YARS1: variants seen among roughly 807,000 people sequenced by gnomAD.
YARS1 encodes the protein tyrosyl-tRNA synthetase 1.
YARS1 carries 36 observed loss-of-function variants against 62.2 expected under a neutral mutation model. That is an observed-to-expected ratio of 0.58 (90% confidence interval 0.44 to 0.76). The LOEUF (loss-of-function observed/expected upper bound fraction) is 0.76. YARS1 is among the 30% of genes least tolerant of loss of function. The pLI is 0.00. For synonymous variants in YARS1, 234 were observed against 244.9 expected (o/e 0.96, Z 0.42); for missense variants, 524 against 639.8 (o/e 0.82, Z 1.95).
intron 5 of YARS1, among the ~76,000 whole-genome samples, chr1:32,794,747 C>T (rs1653518099): frequency 6.6e-6 from 1 of 151,762 alleles, no homozygotes; most frequent in Non-Finnish European, 1.5e-5. Context: ...GTGACTCATG[C>T]CTGTAATCCC....
At chr1:32,781,183 C>T (rs377738585) in intron 9 of YARS1, 38 bp from the exon 10 acceptor site, 1 of 1,558,516 alleles carries the variant, frequency 6.4e-7, no homozygotes, top group Non-Finnish European at 8.9e-7. Flanking sequence ...AGAATTCTTC[C>T]CTGTGGCAGG....
rs1653518883 is a variant in YARS1 at position 32,794,770 on chromosome 1, G to C, written c.591+2993C>G. On this transcript the variant is annotated intron_variant, in intron 5 of 12. Transcript: ENST00000373477. ...TGCCTGTAATCCCAGCACTTTGGGA[G>C]GCCGAGGCAGGTGGGTTACGAGGTC... 2.0e-5 allele frequency among the ~76,000 whole-genome samples: 3 copies of C among 151,958 alleles called. No homozygotes were observed. The South Asian group carries it at 6.3e-4, about 32-fold the overall frequency.
rs145728305 is a variant in YARS1, at chr1:32,813,323, CTT to C, written c.58-2268_58-2267del. On this transcript the variant is annotated intron_variant, in intron 1 of 12. Transcript: ENST00000373477. ...AATTAATTGAGACTTGTCTCAGATACTTTTTGTTTTTTCAAGATGGAGTCTCA... is the reference window on the plus strand; with the variant it reads ...AATTAATTGAGACTTGTCTCAGATACTTTGTTTTTTCAAGATGGAGTCTCA... 5.2e-3 allele frequency among the ~76,000 whole-genome samples: 798 copies of C among 152,224 alleles called. 9 individuals are homozygous for C. Among genetic ancestry groups the C allele is most frequent in the African/African-American group, 0.018 (739 of 41,530 alleles).
intron 12 of YARS1, among the ~76,000 whole-genome samples, chr1:32,778,953 T>A (rs1652966326): frequency 6.6e-6 from 1 of 151,692 alleles, no homozygotes; most frequent in African/African-American, 2.4e-5. Flanking sequence ...TTGGCCAGGC[T>A]GGTCTTGAAC....
At chr1:32,791,048 C>T in intron 6 of YARS1, 114 bp downstream of exon 6, 1 of 1,020,862 alleles carries the variant, frequency 9.8e-7, no homozygotes, top group Admixed American at 1.7e-5. Context: ...TGTAAGGCTC[C>T]TTCTAACTCA....
intron 1 of YARS1, among the ~76,000 whole-genome samples, chr1:32,813,767 A>G (rs148421719): frequency 1.3e-5 from 2 of 152,284 alleles, no homozygotes; most frequent in African/African-American, 4.8e-5. Flanking sequence ...ACTAAATTCC[A>G]TATCACATCA....
At chr1:32,794,802 T>TGGA (rs1194641461) in intron 5 of YARS1, among the ~76,000 whole-genome samples, 1 of 150,922 alleles carries the variant, frequency 6.6e-6, no homozygotes, top group African/African-American at 2.4e-5. Context: ...GGTCAGGAGA[T>TGGA]GGAGACCAAC....
rs1006925839 is a variant in YARS1, at chr1:32,775,314, C to T, written c.*667G>A. On this transcript the variant is annotated 3_prime_UTR_variant, in exon 13 of 13. Coordinates refer to ENST00000373477, the MANE Select transcript of YARS1 (RefSeq NM_003680.4). ...TGAGATGCCTTATGGAGAAGTACCCCACCCTCTATGAAGACAGAATCACTC... is the reference window on the plus strand; with the variant it reads ...TGAGATGCCTTATGGAGAAGTACCCTACCCTCTATGAAGACAGAATCACTC... 2 of 153,042 alleles carry T rather than the reference C, an allele frequency of 1.3e-5. No homozygotes were observed. Among genetic ancestry groups the T allele is most frequent in the African/African-American group, 2.4e-5 (1 of 41,442 alleles). 9.5% of individuals were successfully genotyped at this position (153,042 alleles called of 1,614,324 possible).
At chr1:32,800,501 T>C (rs1638252803) in intron 4 of YARS1, among the ~76,000 whole-genome samples, 1 of 152,022 alleles carries the variant, frequency 6.6e-6, no homozygotes, top group Non-Finnish European at 1.5e-5. Context: ...AAAAAAATTA[T>C]ACAGATATAC....
At chr1:32,804,969 G>A (rs1322869298) in intron 4 of YARS1, among the ~76,000 whole-genome samples, 4 of 152,188 alleles carry the variant, frequency 2.6e-5, no homozygotes, top group South Asian at 2.1e-4. Flanking sequence ...GCGAGACTCC[G>A]TCTGCAATCC....
intron 4 of YARS1, among the ~76,000 whole-genome samples, chr1:32,803,427 C>T (rs1164429340): frequency 6.6e-6 from 1 of 151,952 alleles, no homozygotes; most frequent in Non-Finnish European, 1.5e-5. Context: ...CCACCATGCC[C>T]GGCCTATTTA....
At chr1:32,810,551 G>C in intron 3 of YARS1, 40 bp downstream of exon 3, 1 of 1,611,528 alleles carries the variant, frequency 6.2e-7, no homozygotes, top group Non-Finnish European at 8.5e-7. Flanking sequence ...TTAGCTAGAA[G>C]CACCAGAGCC....
Position 32,814,974 on chromosome 1 carries a change from G to A in YARS1, c.57+2214C>T, listed in dbSNP as rs376737505. 1.1e-4 allele frequency among the ~76,000 whole-genome samples: 17 copies of A among 152,192 alleles called. No homozygotes were observed. In the East Asian group the frequency reaches 2.7e-3, roughly 24 times the overall value. On this transcript the variant is annotated intron_variant, in intron 1 of 12. Coordinates refer to ENST00000373477, the MANE Select transcript of YARS1 (RefSeq NM_003680.4). ...TCCAAGTCTTTTGGCAGCTGATCCC[G>A]CATGCTCAAGAGCACCCCTGACAAC...
chr1:32,805,991 T>C (rs1046895601), intron 4 of YARS1, among the ~76,000 whole-genome samples: 1 of 152,100 alleles, frequency 6.6e-6, no homozygotes, highest in Non-Finnish European at 1.5e-5. Context: ...AAGTGAGCTA[T>C]GTGTGACTCT....
chr1:32,817,014 G>A lies in YARS1; in HGVS notation c.57+174C>T, dbSNP rs77572572. 7.5e-3 allele frequency: 5,995 copies of A among 796,612 alleles called. 251 individuals are homozygous for A. In the African/African-American group the frequency reaches 0.09, roughly 12 times the overall value. 49.3% of individuals were successfully genotyped at this position (796,612 alleles called of 1,614,324 possible). Reference sequence around the variant, plus strand: ...CCACTGTGATTTCTGGGGAACCCAGGGAAGGGCTGCTTGATTGACTGACCG... The same window carrying A: ...CCACTGTGATTTCTGGGGAACCCAGAGAAGGGCTGCTTGATTGACTGACCG... On this transcript the variant is annotated intron_variant, in intron 1 of 12. Transcript: ENST00000373477.
At chr1:32,786,512 A>G in intron 7 of YARS1, 65 bp from the exon 8 acceptor site, 1 of 975,996 alleles carries the variant, frequency 1.0e-6, no homozygotes, top group South Asian at 2.0e-5. Context: ...ATGCATGACT[A>G]TTCCTAGCCC....
At chr1:32,782,307 G>A (rs1653085590) in intron 9 of YARS1, 97 bp downstream of exon 9, 4 of 1,599,716 alleles carry the variant, frequency 2.5e-6, no homozygotes, top group Non-Finnish European at 1.7e-6. Flanking sequence ...CAGACCCCCT[G>A]GGTTGTTGTG....
rs146442827 is a variant in YARS1 at position 32,810,677 on chromosome 1, C to G, written c.294G>C (p.Glu98Asp). 3.7e-6 allele frequency: 6 copies of G among 1,614,048 alleles called. No individual in the cohort carries two copies. Among genetic ancestry groups the G allele is most frequent in the Non-Finnish European group, 5.1e-6 (6 of 1,180,050 alleles). ...TCTCCAGCATTGCTTTGATCACATT[C>G]TCATAGTAACTGACTCGGAGTTCTA... ...ELLELRVSYY[E>D]NVIKAMLESI... Residue 98 changes from glutamate to aspartate, a missense_variant, in exon 3 of 13, where the codon GAG becomes GAC. Glu to Asp is a conservative substitution (Grantham distance 45). Coordinates refer to ENST00000373477, the MANE Select transcript of YARS1 (RefSeq NM_003680.4).
chr1:32,790,104 G>A (rs1181808193), intron 6 of YARS1, among the ~76,000 whole-genome samples: 3 of 148,452 alleles, frequency 2.0e-5, no homozygotes, highest in Non-Finnish European at 4.5e-5. Context: ...GGCTGGTCTC[G>A]AACTCCTGAC....
Sources: gnomAD v4.1 joint callset for allele counts (sites outside exome capture counted in the v4.1 genomes callset) on GRCh38, gnomAD v4.1.1 for gene constraint, MANE v1.5 for transcripts, NCBI Gene and HGNC (gene_info 2026-07-23, HGNC 2026-07-21) for gene names.